CCDC85A: variants seen among roughly 807,000 people sequenced by gnomAD.
CCDC85A encodes the protein coiled-coil domain-containing protein 85A.
CCDC85A carries 38 observed loss-of-function variants against 50.2 expected under a neutral mutation model. That is an observed-to-expected ratio of 0.76 (90% confidence interval 0.58 to 0.99). The LOEUF is 0.99. Ranked by LOEUF, CCDC85A falls within the 50% of genes least tolerant of loss-of-function variation. The pLI is 0.00. For missense variants in CCDC85A, 820 were observed against 742.0 expected (o/e 1.11, Z -1.22); for synonymous variants, 366 against 301.4 (o/e 1.21, Z -2.22).
intron 5 of CCDC85A, among the ~76,000 whole-genome samples, chr2:56,380,449 C>T (rs553678228): frequency 1.3e-5 from 2 of 151,762 alleles, no homozygotes; most frequent in South Asian, 4.2e-4. Context: ...AGTCCCAGCA[C>T]TTTGGGAGGC....
intron 2 of CCDC85A, among the ~76,000 whole-genome samples, chr2:56,197,219 C>T (rs1013318525): frequency 1.5e-4 from 23 of 152,130 alleles, no homozygotes; most frequent in African/African-American, 5.6e-4. Flanking sequence ...TTTACAGCTA[C>T]ACTGTTATTA....
intron 3 of CCDC85A, among the ~76,000 whole-genome samples, chr2:56,344,250 G>C (rs1573304674): frequency 6.6e-6 from 1 of 152,158 alleles, no homozygotes; most frequent in Non-Finnish European, 1.5e-5. Context: ...GTTATTATTA[G>C]TAAAGTACTA....
chr2:56,341,582 G>A (rs947437286), intron 2 of CCDC85A, among the ~76,000 whole-genome samples: 31 of 152,162 alleles, frequency 2.0e-4, no homozygotes, highest in African/African-American at 7.2e-4. Flanking sequence ...CTTTAATGAA[G>A]AAGAGTTACT....
At chr2:56,234,457 T>A (rs1410453236) in intron 2 of CCDC85A, among the ~76,000 whole-genome samples, 1 of 152,196 alleles carries the variant, frequency 6.6e-6, no homozygotes, top group Non-Finnish European at 1.5e-5. Context: ...TCTCAGCAGC[T>A]GCTCTTGTCA....
chr2:56,294,425 T>C (rs1261711305), intron 2 of CCDC85A, among the ~76,000 whole-genome samples: 1 of 152,214 alleles, frequency 6.6e-6, no homozygotes, highest in Non-Finnish European at 1.5e-5. Context: ...GTCCTGCACA[T>C]GTATACCATA....
At chr2:56,221,953 G>A (rs1668345935) in intron 2 of CCDC85A, among the ~76,000 whole-genome samples, 1 of 152,078 alleles carries the variant, frequency 6.6e-6, no homozygotes, top group Non-Finnish European at 1.5e-5. Flanking sequence ...AGGGTGGAAA[G>A]TGGAAGCAAG....
intron 2 of CCDC85A, among the ~76,000 whole-genome samples, chr2:56,312,956 G>C (rs969897428): frequency 5.9e-5 from 9 of 152,094 alleles, no homozygotes; most frequent in Admixed American, 2.0e-4. Flanking sequence ...TTTGTAGAGA[G>C]CACTTTATGC....
chr2:56,382,575 A>G (rs1375397301), intron 5 of CCDC85A, among the ~76,000 whole-genome samples: 1 of 152,016 alleles, frequency 6.6e-6, no homozygotes, highest in Non-Finnish European at 1.5e-5. Flanking sequence ...CCCTGAGGAC[A>G]GTTGAAATAC....
Position 56,323,850 on chromosome 2 carries a change from A to G in CCDC85A, c.1241-19029A>G, listed in dbSNP as rs140785400. On this transcript the variant is annotated intron_variant, in intron 2 of 5. Coordinates refer to ENST00000407595, the MANE Select transcript of CCDC85A (RefSeq NM_001080433.2). ...TATGAAAAGTTGGTGTCTCTTGATG[A>G]TAAATTGACTTCTCAGTCACCCCCA... Among the ~76,000 whole-genome samples, 938 of 152,228 alleles carry G rather than the reference A, an allele frequency of 6.2e-3. 8 individuals are homozygous for G. The highest frequency in any genetic ancestry group is 0.021 in the African/African-American group (890 of 41,558).
chr2:56,256,794 G>C (rs144762146), intron 2 of CCDC85A, among the ~76,000 whole-genome samples: 2 of 152,338 alleles, frequency 1.3e-5, no homozygotes, highest in Middle Eastern at 3.4e-3. Flanking sequence ...TTCAGAAGTT[G>C]TGAAAAGTCT....
At chr2:56,263,064 T>C (rs1043861766) in intron 2 of CCDC85A, among the ~76,000 whole-genome samples, 28 of 152,168 alleles carry the variant, frequency 1.8e-4, no homozygotes, top group African/African-American at 6.3e-4. Context: ...CTAGAAATAC[T>C]GCAAACAGCA....
At chr2:56,283,640 A>G (rs1008042232) in intron 2 of CCDC85A, among the ~76,000 whole-genome samples, 4 of 152,162 alleles carry the variant, frequency 2.6e-5, no homozygotes, top group East Asian at 1.9e-4. Context: ...TCTTGAATCA[A>G]TGTTGGTAAC....
intron 2 of CCDC85A, among the ~76,000 whole-genome samples, chr2:56,319,519 T>C (rs1673069550): frequency 6.6e-6 from 1 of 152,096 alleles, no homozygotes; most frequent in African/African-American, 2.4e-5. Flanking sequence ...AGTAAATAAA[T>C]GTTTCGCACT....
chr2:56,257,280 G>A (rs1475445192), intron 2 of CCDC85A, among the ~76,000 whole-genome samples: 1 of 152,130 alleles, frequency 6.6e-6, no homozygotes, highest in Non-Finnish European at 1.5e-5. Flanking sequence ...GAATGTGATG[G>A]CTGTCACAAT....
At position 56,192,801 on chromosome 2, in the gene CCDC85A, G is replaced by C. The variant is rs759751798; in HGVS notation, c.601G>C (p.Ala201Pro). 36 of 1,613,094 alleles carry C rather than the reference G, an allele frequency of 2.2e-5. No individual in the cohort carries two copies. Among genetic ancestry groups the C allele is most frequent in the Non-Finnish European group, 3.1e-5 (36 of 1,179,636 alleles). Reference sequence around the variant, plus strand: ...CCTGTGCCAACTCACAGCCTCCACCGCACCCTACGTGCGGGATGTGGGTGA... The same window carrying C: ...CCTGTGCCAACTCACAGCCTCCACCCCACCCTACGTGCGGGATGTGGGTGA... Reference protein sequence around the residue: ...ASLCQLTASTAPYVRDVGDGS... With the variant: ...ASLCQLTASTPPYVRDVGDGS... Residue 201 changes from alanine to proline, a missense_variant, in exon 2 of 6, where the codon GCA becomes CCA. Physicochemically the swap from Ala to Pro is conservative, Grantham distance 27. Transcript: ENST00000407595. This position sits in a 1 kb window ranked among gnomAD's most constrained non-coding sequence, Gnocchi z 4.7.
chr2:56,308,331 A>G (rs1672536300), intron 2 of CCDC85A, among the ~76,000 whole-genome samples: 1 of 152,134 alleles, frequency 6.6e-6, no homozygotes, highest in Non-Finnish European at 1.5e-5. Context: ...GTGTTGGGGG[A>G]ACGTTCATCA....
At chr2:56,331,752 A>C (rs984347650) in intron 2 of CCDC85A, among the ~76,000 whole-genome samples, 1 of 152,254 alleles carries the variant, frequency 6.6e-6, no homozygotes, top group Non-Finnish European at 1.5e-5. Flanking sequence ...CAGCACTTGC[A>C]TGGCAGTAAA....
chr2:56,253,788 A>G (rs1669870108), intron 2 of CCDC85A, among the ~76,000 whole-genome samples: 1 of 152,150 alleles, frequency 6.6e-6, no homozygotes, highest in African/African-American at 2.4e-5. Context: ...GTCAGGGATG[A>G]TTTCTAAGTT....
At chr2:56,297,103 A>C (rs983374008) in intron 2 of CCDC85A, among the ~76,000 whole-genome samples, 19 of 152,160 alleles carry the variant, frequency 1.2e-4, no homozygotes, top group African/African-American at 3.9e-4. Flanking sequence ...GTGTGCTCTC[A>C]GTGGGATTTA....
Sources: allele counts gnomAD v4.1 joint callset (sites outside exome capture counted in the v4.1 genomes callset), GRCh38; gene constraint gnomAD v4.1.1; non-coding constraint Gnocchi (gnomAD v3.1); transcripts MANE v1.5; gene names NCBI Gene and HGNC (gene_info 2026-07-23, HGNC 2026-07-21).